CSGALNACT1: variants seen among roughly 807,000 people sequenced by gnomAD.
CSGALNACT1 encodes the protein chondroitin sulfate N-acetylgalactosaminyltransferase 1, also known as beta4GalNAcT-1.
A neutral mutation model predicts 51.0 loss-of-function variants in CSGALNACT1; 52 were observed. The ratio of observed to expected loss-of-function variants is 1.02; its 90% CI spans 0.82 to 1.29. CSGALNACT1 has a LOEUF of 1.29. CSGALNACT1 is among the 50% of genes most tolerant of loss of function. The pLI, the probability that CSGALNACT1 is intolerant of heterozygous loss-of-function variation, is 0.00. For missense variants in CSGALNACT1, 935 were observed against 679.2 expected (o/e 1.38, Z -4.19); for synonymous variants, 341 against 254.4 (o/e 1.34, Z -3.24).
intron 1 of CSGALNACT1, among the ~76,000 whole-genome samples, chr8:19,730,172 C>T (rs1006699266): frequency 6.6e-6 from 1 of 152,172 alleles, no homozygotes; most frequent in African/African-American, 2.4e-5. Flanking sequence ...TTGAGAAATG[C>T]AAAGTCAAAA....
At chr8:19,490,316 G>C (rs1205405102) in intron 4 of CSGALNACT1, among the ~76,000 whole-genome samples, 1 of 152,186 alleles carries the variant, frequency 6.6e-6, no homozygotes, top group Admixed American at 6.5e-5. Flanking sequence ...TTTTGGGAAA[G>C]AGAGGAAAAG....
chr8:19,499,753 T>C (rs986167286), intron 4 of CSGALNACT1, among the ~76,000 whole-genome samples: 24 of 152,162 alleles, frequency 1.6e-4, no homozygotes, highest in African/African-American at 5.6e-4. Flanking sequence ...AGCTACACAG[T>C]TTGCAGGGCC....
chr8:19,485,390 A>C (rs1030183467), intron 4 of CSGALNACT1, among the ~76,000 whole-genome samples: 3 of 152,062 alleles, frequency 2.0e-5, no homozygotes, highest in African/African-American at 7.2e-5. Context: ...GTGAGAGATA[A>C]AAATAAAATC....
chr8:19,718,471 C>T (rs1055952468), intron 1 of CSGALNACT1, among the ~76,000 whole-genome samples: 19 of 152,156 alleles, frequency 1.2e-4, no homozygotes, highest in African/African-American at 4.6e-4. Flanking sequence ...TTGCACAGTT[C>T]TTATGCTATA....
intron 4 of CSGALNACT1, among the ~76,000 whole-genome samples, chr8:19,464,114 C>A (rs893559210): frequency 9.9e-5 from 15 of 152,148 alleles, no homozygotes; most frequent in Admixed American, 9.2e-4. Context: ...AACTTTCTGC[C>A]TGCAAAACGT....
intron 1 of CSGALNACT1, among the ~76,000 whole-genome samples, chr8:19,742,832 C>T (rs1464296650): frequency 6.6e-6 from 1 of 152,208 alleles, no homozygotes; most frequent in East Asian, 1.9e-4. Flanking sequence ...GGGGCCTCCA[C>T]TGTACTGTAG....
chr8:19,440,367 C>A (rs1357549777), intron 5 of CSGALNACT1, among the ~76,000 whole-genome samples: 1 of 151,998 alleles, frequency 6.6e-6, no homozygotes, highest in Non-Finnish European at 1.5e-5. Context: ...AGCTTATCCA[C>A]CATGATCAAG....
At chr8:19,702,303 T>G (rs1028586973) in intron 1 of CSGALNACT1, among the ~76,000 whole-genome samples, 2 of 152,174 alleles carry the variant, frequency 1.3e-5, no homozygotes, top group Non-Finnish European at 2.9e-5. Flanking sequence ...GGCAGAAGGA[T>G]TCCTTCTGAG....
chr8:19,545,626 A>T (rs11777105), intron 3 of CSGALNACT1, among the ~76,000 whole-genome samples: 3,065 of 152,128 alleles, frequency 0.02, 58 homozygotes, highest in Non-Finnish European at 0.031. Context: ...TCAATGAATG[A>T]GTATGCTAAA....
intron 1 of CSGALNACT1, among the ~76,000 whole-genome samples, chr8:19,720,431 G>A (rs1334415038): frequency 6.6e-6 from 1 of 152,162 alleles, no homozygotes; most frequent in Admixed American, 6.5e-5. Flanking sequence ...TTCAGAGGAG[G>A]GAGAAATGGC....
At chr8:19,604,914 CAAAAAAAAAA>C (rs576342135), upstream of CSGALNACT1, among the ~76,000 whole-genome samples, 1 of 64,440 alleles carries the variant, frequency 1.6e-5, no homozygotes, top group Non-Finnish European at 3.4e-5. Context: ...GACTCTGTCT[CAAAAAAAAAA>C]AAAAAAAAAA....
intron 4 of CSGALNACT1, among the ~76,000 whole-genome samples, chr8:19,474,772 T>G (rs1225525361): frequency 7.0e-6 from 1 of 143,730 alleles, no homozygotes; most frequent in Non-Finnish European, 1.5e-5. Flanking sequence ...GGAGGCTAGG[T>G]AGGAGAATCA....
chr8:19,572,397 A>G (rs759951152), intron 3 of CSGALNACT1, among the ~76,000 whole-genome samples: 13 of 152,216 alleles, frequency 8.5e-5, no homozygotes, highest in Non-Finnish European at 1.5e-4. Flanking sequence ...GAGAAAACTT[A>G]CAGTAATTTT....
Position 19,623,883 on chromosome 8 carries a change from CTT to C in CSGALNACT1, c.-543-22020_-543-22019del, listed in dbSNP as rs542232427. Among the ~76,000 whole-genome samples the C allele has an allele frequency of 2.1e-3, 316 of 152,304 alleles. 1 individual carries two copies. The highest frequency in any genetic ancestry group is 7.3e-3 in the African/African-American group (302 of 41,554). Reference sequence around the variant, plus strand: ...TCTAATGACCTAAGATGATTTCTCTCTTGTATTAATGAATCATGTACTTAAGC... The same window carrying C: ...TCTAATGACCTAAGATGATTTCTCTCGTATTAATGAATCATGTACTTAAGC... On this transcript the variant is annotated intron_variant, in intron 1 of 9. Coordinates refer to the CSGALNACT1 transcript ENST00000332246.
chr8:19,448,231 A>T (rs1005881467), intron 5 of CSGALNACT1, among the ~76,000 whole-genome samples: 9 of 152,204 alleles, frequency 5.9e-5, no homozygotes, highest in Non-Finnish European at 1.0e-4. Flanking sequence ...TTTATAACTC[A>T]TATTATGTGG....
intron 8 of CSGALNACT1, among the ~76,000 whole-genome samples, chr8:19,417,414 A>T (rs1056552242): frequency 6.6e-5 from 10 of 152,332 alleles, no homozygotes; most frequent in Non-Finnish European, 1.2e-4. Context: ...CCAGAGGTTA[A>T]CTTGGGGAGA....
intron 4 of CSGALNACT1, among the ~76,000 whole-genome samples, chr8:19,472,383 C>T (rs1374928086): frequency 6.6e-6 from 1 of 152,212 alleles, no homozygotes; most frequent in Non-Finnish European, 1.5e-5. Context: ...AACCATTGAC[C>T]TCGTCCATAT....
chr8:19,579,106 A>G (rs1348871626), intron 3 of CSGALNACT1, among the ~76,000 whole-genome samples: 4 of 152,192 alleles, frequency 2.6e-5, no homozygotes, highest in Non-Finnish European at 5.9e-5. Flanking sequence ...GTCCAGAGTG[A>G]TAACTTTCAA....
At chr8:19,604,648 G>A (rs142470079), upstream of CSGALNACT1, among the ~76,000 whole-genome samples, 9 of 151,258 alleles carry the variant, frequency 6.0e-5, no homozygotes, top group East Asian at 1.9e-4. Context: ...TGGCTCATGC[G>A]TGTAATCCCA....
Sources: allele counts gnomAD v4.1 joint callset (sites outside exome capture counted in the v4.1 genomes callset), GRCh38; gene constraint gnomAD v4.1.1; transcripts MANE v1.5; gene names NCBI Gene and HGNC (gene_info 2026-07-23, HGNC 2026-07-21).